Variants in RAB5B observed in about 807,000 individuals in gnomAD.
RAB5B encodes ras-related protein Rab-5B.
A neutral mutation model predicts 28.6 loss-of-function variants in RAB5B; 11 were observed. The observed-to-expected ratio is 0.38, with a 90% CI of 0.24 to 0.64. The LOEUF is 0.64. Among genes scored for constraint, RAB5B ranks in the 30% least tolerant of loss-of-function variants. The probability of loss-of-function intolerance (pLI) is 0.53; values close to 1 mark genes in which losing one functional copy is unlikely to be tolerated. For missense variants in RAB5B, 169 were observed against 265.6 expected, an observed-to-expected ratio of 0.64 and a Z score of 2.53; for synonymous variants, 93 against 97.9, an observed-to-expected ratio of 0.95 and a Z score of 0.29.
At position 55,993,549 on chromosome 12, in the gene RAB5B, T is replaced by C. The variant is rs1240534080; in HGVS notation, c.*1337T>C. ...CCCAGGTTTCACACTCAATTTGATA[T>C]CCATTACCATGTCTTTTCTACTTCC... On this transcript the variant is annotated 3_prime_UTR_variant, in exon 6 of 6. Transcript: ENST00000360299. 2.0e-5 allele frequency: 3 copies of C among 152,676 alleles called. No individual in the cohort carries two copies. Among genetic ancestry groups the C allele is most frequent in the Non-Finnish European group, 2.9e-5 (2 of 68,060 alleles). 9.5% of individuals were successfully genotyped at this position (152,676 alleles called of 1,614,324 possible). A position where few individuals can be genotyped will look rare whatever the true frequency, so the allele number is the denominator to read the frequency against.
chr12:55,985,053 C>A (rs974941643), intron 1 of RAB5B, among the ~76,000 whole-genome samples: 12 of 152,248 alleles, frequency 7.9e-5, no homozygotes, highest in African/African-American at 2.9e-4. Flanking sequence ...CTCATTTAAT[C>A]CTTACAACAC....
intron 1 of RAB5B, among the ~76,000 whole-genome samples, chr12:55,986,627 C>T (rs1413026955): frequency 6.6e-6 from 1 of 152,144 alleles, no homozygotes; most frequent in Non-Finnish European, 1.5e-5. Context: ...TAAAAACTCT[C>T]AGTTTTCAGT....
At chr12:55,988,105 C>T (rs1373694243) in intron 2 of RAB5B, among the ~76,000 whole-genome samples, 1 of 152,072 alleles carries the variant, frequency 6.6e-6, no homozygotes, top group Non-Finnish European at 1.5e-5. Flanking sequence ...GCCAAGATTG[C>T]GCCATTGCAC....
At chr12:55,985,510 C>T (rs868441610) in intron 1 of RAB5B, 9 of 266,324 alleles carry the variant, frequency 3.4e-5, no homozygotes, top group Middle Eastern at 1.3e-3. Context: ...AGTTCCTTTC[C>T]GCTCAGAGTC....
chr12:55,985,794 A>T (rs996549189), intron 1 of RAB5B: 2 of 452,184 alleles, frequency 4.4e-6, no homozygotes, highest in African/African-American at 4.0e-5. Context: ...GGGTAATCTA[A>T]TCCCTAGGCA....
chr12:55,992,152 C>T lies in RAB5B; in HGVS notation c.588C>T (p.Ser196=), dbSNP rs1262128400. The change falls in exon 6 of 6, where the codon AGC becomes AGT. Residue 196 remains serine, a synonymous_variant. Coordinates refer to ENST00000360299, the MANE Select transcript of RAB5B (RefSeq NM_002868.4). Reference sequence around the variant, plus strand: ...ATCTGGGAGGTGCAGCAGGCCGAAGCCGGGGTGTGGATCTCCATGAACAGT... The same window carrying T: ...ATCTGGGAGGTGCAGCAGGCCGAAGTCGGGGTGTGGATCTCCATGAACAGT... ...PQNLGGAAGR[S]RGVDLHEQSQ... is the part of the protein sequence containing the mutation. 6.2e-7 allele frequency: 1 copy of T among 1,614,102 alleles called. No homozygotes were observed. Among genetic ancestry groups the T allele is most frequent in the Admixed American group, 1.7e-5 (1 of 60,004 alleles).
intron 2 of RAB5B, 66 bp from the exon 3 acceptor site, chr12:55,989,881 G>T (rs112530555): frequency 1.9e-5 from 29 of 1,532,604 alleles, no homozygotes; most frequent in South Asian, 7.8e-5. Context: ...ATTTTGAAGG[G>T]GGGGAGGGAT....
At chr12:55,979,027 CCT>C (rs1889726662) in intron 1 of RAB5B, among the ~76,000 whole-genome samples, 1 of 152,050 alleles carries the variant, frequency 6.6e-6, no homozygotes, top group Non-Finnish European at 1.5e-5. Context: ...TCTGCCTTGG[CCT>C]CTCAAAGTGC....
intron 2 of RAB5B, 92 bp downstream of exon 2, chr12:55,987,215 C>T (rs1889977506): frequency 7.6e-7 from 1 of 1,308,806 alleles, no homozygotes; most frequent in Non-Finnish European, 1.0e-6. Flanking sequence ...GGCTGGAGTG[C>T]AGTGGCGCAA....
chr12:55,990,976 T>C, intron 4 of RAB5B, 172 bp downstream of exon 4: 1 of 869,346 alleles, frequency 1.2e-6, no homozygotes, highest in Non-Finnish European at 1.7e-6. Flanking sequence ...GCCAGGAGAT[T>C]TTCAAAGGAG....
At chr12:55,985,036 G>T (rs1338317321) in intron 1 of RAB5B, among the ~76,000 whole-genome samples, 33 of 152,104 alleles carry the variant, frequency 2.2e-4, no homozygotes, top group Admixed American at 2.2e-3. Flanking sequence ...TTATTTATAT[G>T]CATTATCTCA....
At position 55,991,482 on chromosome 12, in the gene RAB5B, T is replaced by C. The variant is rs754974365; in HGVS notation, c.532+29T>C. ...AGGTCAGAACATCCTGAGGTCCTCCTTTTTCCCTCGTTTATAGGCAAAATT... is the reference window on the plus strand; with the variant it reads ...AGGTCAGAACATCCTGAGGTCCTCCCTTTTCCCTCGTTTATAGGCAAAATT... On this transcript the variant is annotated intron_variant, in intron 5 of 5. Transcript: ENST00000360299. 6 of 1,568,222 alleles carry C rather than the reference T, an allele frequency of 3.8e-6. No homozygotes were observed. The East Asian group carries it at 1.1e-4, about 29-fold the overall frequency.
intron 3 of RAB5B, 59 bp downstream of exon 3, chr12:55,990,157 C>T: frequency 3.3e-6 from 5 of 1,527,538 alleles, no homozygotes; most frequent in South Asian, 1.2e-5. Flanking sequence ...CGCCTATAAT[C>T]CCAACACTTT....
chr12:55,991,903 G>A, intron 5 of RAB5B, 194 bp from the exon 6 acceptor site: 1 of 533,502 alleles, frequency 1.9e-6, no homozygotes, highest in Non-Finnish European at 3.4e-6. Flanking sequence ...CTCCATCCTG[G>A]CAACAGAGCG....
At position 55,992,320 on chromosome 12, in the gene RAB5B, T is replaced by TTGGGAGCCAG; in HGVS notation, c.*108_*109insTGGGAGCCAG. On this transcript the variant is annotated 3_prime_UTR_variant, in exon 6 of 6. Transcript: ENST00000360299. ...CCTACGGTAACAGCACACTGAGCCC[T>TTGGGAGCCAG]GGCTCCCAAGGGCTGCCTCCTGACA... 5.0e-6 allele frequency: 5 copies of TTGGGAGCCAG among 1,005,900 alleles called. No individual in the cohort carries two copies. The highest frequency in any genetic ancestry group is 7.5e-6 in the Non-Finnish European group (5 of 662,612). The allele number at this position is 1,005,900 out of a possible 1,614,324, so 62.3% of individuals were successfully genotyped here. A position where few individuals can be genotyped will look rare whatever the true frequency, so the allele number is the denominator to read the frequency against.
intron 4 of RAB5B, 100 bp downstream of exon 4, chr12:55,990,904 C>T: frequency 1.4e-6 from 2 of 1,402,226 alleles, no homozygotes; most frequent in South Asian, 1.3e-5. Context: ...AGAGGACATT[C>T]ATTGTCTCAT....
In RAB5B at chr12:55,995,009, T is replaced by C. The variant is rs565577836; in HGVS notation, c.*2797T>C. 1 of 152,140 alleles carries C rather than the reference T, an allele frequency of 6.6e-6. No homozygotes were observed. Among genetic ancestry groups the C allele is most frequent in the East Asian group, 1.9e-4 (1 of 5,178 alleles). 9.4% of individuals were successfully genotyped at this position (152,140 alleles called of 1,614,324 possible). ...CTTAACAGAATGTATATGTGTAGGG[T>C]ATGGTCTGTGGATCTTTGGGCCCAC... On this transcript the variant is annotated 3_prime_UTR_variant, in exon 6 of 6. Transcript: ENST00000360299.
rs564567562 is a variant in RAB5B, at chr12:55,981,122, C to T, written c.-92-5747C>T. The T allele has an allele frequency of 2.6e-5, 30 of 1,147,824 alleles. No individual in the cohort carries two copies. The East Asian group carries it at 4.4e-4, about 17-fold the overall frequency. The allele number at this position is 1,147,824 out of a possible 1,614,324, so 71.1% of individuals were successfully genotyped here. ...TCTGTTGTCCAGGCTGGAGTGCAGT[C>T]GTGTGATCTCGGCTCACTGCTACCT... On this transcript the variant is annotated intron_variant, in intron 1 of 5. Coordinates refer to ENST00000360299, the MANE Select transcript of RAB5B (RefSeq NM_002868.4).
At chr12:55,989,240 C>T (rs757364190) in intron 2 of RAB5B, among the ~76,000 whole-genome samples, 2 of 151,636 alleles carry the variant, frequency 1.3e-5, no homozygotes, top group Non-Finnish European at 2.9e-5. Flanking sequence ...CTGCGCCCAG[C>T]CAATCCTCTA....
Sources: allele counts gnomAD v4.1 joint callset (sites outside exome capture counted in the v4.1 genomes callset), GRCh38; gene constraint gnomAD v4.1.1; transcripts MANE v1.5; gene names NCBI Gene and HGNC (gene_info 2026-07-23, HGNC 2026-07-21).